FRS2: variants seen among roughly 807,000 people sequenced by gnomAD.
FRS2 encodes FGFR signalling adaptor.
FRS2 carries 8 observed loss-of-function variants against 43.9 expected under a neutral mutation model. The observed-to-expected ratio is 0.18, with a 90% CI of 0.11 to 0.33. The LOEUF (loss-of-function observed/expected upper bound fraction) is 0.33, where lower values mean the gene tolerates loss of function less well. Ranked by LOEUF, FRS2 falls within the 10% of genes least tolerant of loss-of-function variation. The pLI, the probability that FRS2 is intolerant of heterozygous loss-of-function variation, is 1.00. For synonymous variants in FRS2, 219 were observed against 220.3 expected (o/e 0.99, Z 0.05); for missense variants, 534 against 627.6 (o/e 0.85, Z 1.59).
At chr12:69,516,249 G>A (rs1186462374) in intron 1 of FRS2, among the ~76,000 whole-genome samples, 3 of 147,310 alleles carry the variant, frequency 2.0e-5, no homozygotes, top group South Asian at 2.1e-4. Flanking sequence ...ACGGAGTTTC[G>A]CTCTTGTTGC....
intron 5 of FRS2, 133 bp from the exon 6 acceptor site, chr12:69,570,198 G>T (rs1270723373): frequency 4.5e-6 from 3 of 671,494 alleles, no homozygotes; most frequent in Non-Finnish European, 8.0e-6. Context: ...GTGTTACACG[G>T]CTACGTAGTC....
intron 4 of FRS2, among the ~76,000 whole-genome samples, chr12:69,567,396 C>T (rs886263426): frequency 1.3e-5 from 2 of 152,104 alleles, no homozygotes; most frequent in Non-Finnish European, 2.9e-5. Flanking sequence ...GCTAGGGATC[C>T]TTCACATTTG....
rs76931951 is a variant in FRS2, at chr12:69,535,274, C to T, written c.-122+3218C>T. ...TAAGATTTTACTGTGGGCACCATTA[C>T]TAATACTTGAAATGAGATCTAGATA... On this transcript the variant is annotated intron_variant, in intron 3 of 8. Coordinates refer to ENST00000549921, the MANE Select transcript of FRS2 (RefSeq NM_001278356.2). Among the ~76,000 whole-genome samples, 1,488 of 152,292 alleles carry T rather than the reference C, an allele frequency of 9.8e-3. 29 individuals carry two copies. Among genetic ancestry groups the T allele is most frequent in the African/African-American group, 0.033 (1,363 of 41,566 alleles).
intron 1 of FRS2, among the ~76,000 whole-genome samples, chr12:69,493,888 T>C (rs966761304): frequency 2.6e-5 from 4 of 152,232 alleles, no homozygotes; most frequent in African/African-American, 9.6e-5. Context: ...TTTTCCCTGA[T>C]TAAATATCTT....
intron 3 of FRS2, among the ~76,000 whole-genome samples, chr12:69,545,891 A>G (rs1432589244): frequency 6.6e-6 from 1 of 152,316 alleles, no homozygotes; most frequent in East Asian, 1.9e-4. Context: ...GTGATGCTGG[A>G]GAAACTGGAT....
At chr12:69,532,140 GTATT>G (rs1876860937) in intron 3 of FRS2, 84 bp downstream of exon 3, 1 of 152,370 alleles carries the variant, frequency 6.6e-6, no homozygotes, top group Non-Finnish European at 1.5e-5. Context: ...TTGTTTCCAT[GTATT>G]TATTTAATAT....
chr12:69,557,393 T>C (rs1035346851), intron 3 of FRS2, among the ~76,000 whole-genome samples: 3 of 152,158 alleles, frequency 2.0e-5, no homozygotes, highest in Non-Finnish European at 2.9e-5. Context: ...TTCTAGAGAG[T>C]ACCTCTACTT....
intron 1 of FRS2, among the ~76,000 whole-genome samples, chr12:69,481,868 A>C (rs1248523477): frequency 6.6e-6 from 1 of 152,202 alleles, no homozygotes; most frequent in Non-Finnish European, 1.5e-5. Flanking sequence ...CTGGAGATAC[A>C]TAATGCCCAC....
chr12:69,498,134 A>T (rs1444296842), intron 1 of FRS2, among the ~76,000 whole-genome samples: 2 of 152,210 alleles, frequency 1.3e-5, no homozygotes, highest in Admixed American at 1.3e-4. Context: ...GTGGGCCAGT[A>T]GCATTATACT....
intron 4 of FRS2, among the ~76,000 whole-genome samples, chr12:69,565,252 C>T (rs1048363102): frequency 2.0e-5 from 3 of 152,178 alleles, no homozygotes; most frequent in Non-Finnish European, 2.9e-5. Context: ...AAATGGTACA[C>T]TTGTATAAGG....
chr12:69,524,987 T>G (rs2135631930), intron 1 of FRS2, among the ~76,000 whole-genome samples: 1 of 152,216 alleles, frequency 6.6e-6, no homozygotes, highest in Non-Finnish European at 1.5e-5. Flanking sequence ...CCGCTTCAGC[T>G]ATGCCCTGTA....
chr12:69,522,456 G>A (rs1318002877), intron 1 of FRS2, among the ~76,000 whole-genome samples: 2 of 152,000 alleles, frequency 1.3e-5, no homozygotes. Flanking sequence ...CATTGTCTTT[G>A]TCATTTCTCA....
chr12:69,570,862 A>G (rs1385037456), intron 6 of FRS2, among the ~76,000 whole-genome samples: 1 of 152,250 alleles, frequency 6.6e-6, no homozygotes, highest in African/African-American at 2.4e-5. Flanking sequence ...TCTCTATAAA[A>G]GGGAAATGGT....
intron 1 of FRS2, among the ~76,000 whole-genome samples, chr12:69,475,800 C>G (rs1018523223): frequency 6.6e-6 from 1 of 152,084 alleles, no homozygotes; most frequent in Admixed American, 6.5e-5. Context: ...AAGTGCTGGA[C>G]TGTGGAGTAG....
At chr12:69,479,602 T>C (rs1405423124) in intron 1 of FRS2, among the ~76,000 whole-genome samples, 1 of 151,988 alleles carries the variant, frequency 6.6e-6, no homozygotes, top group African/African-American at 2.4e-5. Context: ...TTCACTATGT[T>C]GGCTAGGATG....
intron 3 of FRS2, among the ~76,000 whole-genome samples, chr12:69,552,169 G>GT (rs1878933148): frequency 6.6e-6 from 1 of 151,902 alleles, no homozygotes; most frequent in African/African-American, 2.4e-5. Flanking sequence ...GGGCATGGTG[G>GT]TGCATGCCTG....
intron 1 of FRS2, among the ~76,000 whole-genome samples, chr12:69,527,948 G>A (rs1876423136): frequency 6.6e-6 from 1 of 152,150 alleles, no homozygotes; most frequent in South Asian, 2.1e-4. Flanking sequence ...TATACCTAAG[G>A]TCTGATAGAC....
intron 1 of FRS2, among the ~76,000 whole-genome samples, chr12:69,484,308 T>C (rs1195407147): frequency 6.6e-6 from 1 of 152,104 alleles, no homozygotes. Context: ...ATGGTCTCGA[T>C]CTCCTGACCT....
intron 1 of FRS2, among the ~76,000 whole-genome samples, chr12:69,487,983 T>A (rs1872110963): frequency 6.6e-6 from 1 of 152,216 alleles, no homozygotes; most frequent in South Asian, 2.1e-4. Context: ...TGCTGCAATC[T>A]CATGGTCAAA....
Sources: gnomAD v4.1 joint callset for allele counts (sites outside exome capture counted in the v4.1 genomes callset) on GRCh38, gnomAD v4.1.1 for gene constraint, MANE v1.5 for transcripts, NCBI Gene and HGNC (gene_info 2026-07-23, HGNC 2026-07-21) for gene names.